Variants in IGF2BP1 observed in about 807,000 individuals in gnomAD.
IGF2BP1 encodes insulin-like growth factor 2 mRNA-binding protein 1.
In IGF2BP1, 11 loss-of-function variants were observed where a neutral mutation model predicts 74.9. That is an observed-to-expected ratio of 0.15 (90% CI 0.09 to 0.24). The LOEUF (loss-of-function observed/expected upper bound fraction) is 0.24, where lower values mean the gene tolerates loss of function less well. Ranked by LOEUF, IGF2BP1 falls within the 10% of genes least tolerant of loss-of-function variation. The pLI, the probability that IGF2BP1 is intolerant of heterozygous loss-of-function variation, is 1.00. For missense variants in IGF2BP1, 440 were observed against 757.4 expected (o/e 0.58, Z 4.92); for synonymous variants, 287 against 281.8 (o/e 1.02, Z -0.18).
chr17:49,020,465 G>C (rs1445005952), intron 2 of IGF2BP1, among the ~76,000 whole-genome samples: 4 of 152,214 alleles, frequency 2.6e-5, no homozygotes, highest in Non-Finnish European at 5.9e-5. Context: ...TACTGAGATA[G>C]AGAGGTTGAG....
intron 2 of IGF2BP1, among the ~76,000 whole-genome samples, chr17:49,004,332 C>G (rs2041522908): frequency 6.7e-6 from 1 of 148,438 alleles, no homozygotes; most frequent in African/African-American, 2.4e-5. Context: ...GCTGCAGACC[C>G]TTTCCAGCAC....
intron 2 of IGF2BP1, among the ~76,000 whole-genome samples, chr17:49,003,180 A>G (rs1038278604): frequency 6.6e-6 from 1 of 152,202 alleles, no homozygotes; most frequent in Non-Finnish European, 1.5e-5. Flanking sequence ...TAAATACATG[A>G]CATTAGCAAT....
rs553443846 is a variant in IGF2BP1 at position 49,037,519 on chromosome 17, ATG to A, written c.402-643_402-642del. 6.9e-4 allele frequency: 140 copies of A among 202,914 alleles called. 1 individual carries two copies. Among genetic ancestry groups the A allele is most frequent in the Middle Eastern group, 3.1e-3 (2 of 642 alleles). 12.6% of individuals were successfully genotyped at this position (202,914 alleles called of 1,614,324 possible). ...ATTTCCTTAAATAATGGACTCAAGA[ATG>A]TGTGTTTGCTTTATCCTAATTATGG... On this transcript the variant is annotated intron_variant, in intron 5 of 14. Coordinates refer to ENST00000290341, the MANE Select transcript of IGF2BP1 (RefSeq NM_006546.4).
Position 49,054,874 on chromosome 17 carries a change from G to C in IGF2BP1, c.*5430G>C, listed in dbSNP as rs2042207066. 6.6e-6 allele frequency: 1 copy of C among 152,400 alleles called. No homozygotes were observed. Among genetic ancestry groups the C allele is most frequent in the Admixed American group, 6.6e-5 (1 of 15,262 alleles). 9.4% of individuals were successfully genotyped at this position (152,400 alleles called of 1,614,324 possible). ...GGTGAAGCAGGATCCTTTGCCCTGG[G>C]GGAGTCTGAGGGCGCGGTCCTTGGA... is the stretch of plus-strand genomic sequence containing the variant. On this transcript the variant is annotated 3_prime_UTR_variant, in exon 15 of 15. Transcript: ENST00000290341.
At chr17:49,025,778 G>C in intron 3 of IGF2BP1, 112 bp downstream of exon 3, 4 of 838,164 alleles carry the variant, frequency 4.8e-6, no homozygotes, top group Non-Finnish European at 5.9e-6. Flanking sequence ...CCAGGCTAGG[G>C]AGGCCTGGGT....
At chr17:49,023,665 A>G (rs771192486) in intron 2 of IGF2BP1, among the ~76,000 whole-genome samples, 2 of 152,234 alleles carry the variant, frequency 1.3e-5, no homozygotes, top group Non-Finnish European at 2.9e-5. Context: ...AGGGACAGCC[A>G]GTCAGGGGCA....
At chr17:48,999,362 A>C (rs552939435) in intron 2 of IGF2BP1, among the ~76,000 whole-genome samples, 193 bp downstream of exon 2, 1 of 151,308 alleles carries the variant, frequency 6.6e-6, no homozygotes, top group Non-Finnish European at 1.5e-5. Flanking sequence ...CTTGTAAAAA[A>C]AAAATAAATA....
chr17:49,046,377 C>T lies in IGF2BP1; in HGVS notation c.1641+4C>T, dbSNP rs760270230. The T allele has an allele frequency of 6.2e-7, 1 of 1,604,768 alleles. No individual in the cohort carries two copies. The highest frequency in any genetic ancestry group is 8.5e-7 in the Non-Finnish European group (1 of 1,171,568). On this transcript the variant is annotated splice_donor_region_variant and intron_variant, in intron 14 of 14. Transcript: ENST00000290341. ...CGGACATTTCTATGCCAGTCAGGTA[C>T]ATATGGTGCTCCCCCATTGAGGGAG...
intron 5 of IGF2BP1, among the ~76,000 whole-genome samples, chr17:49,032,291 G>A (rs926563163): frequency 2.0e-5 from 3 of 152,118 alleles, no homozygotes; most frequent in African/African-American, 7.2e-5. Flanking sequence ...CTGCTGATAG[G>A]TCTCTGGTTG....
intron 2 of IGF2BP1, among the ~76,000 whole-genome samples, chr17:49,003,300 G>A (rs1000158135): frequency 1.3e-5 from 2 of 152,154 alleles, no homozygotes; most frequent in Non-Finnish European, 2.9e-5. Context: ...CTTTTTAAGA[G>A]TGTATTTATA....
chr17:49,018,871 T>G (rs1431603806), intron 2 of IGF2BP1, among the ~76,000 whole-genome samples: 1 of 152,084 alleles, frequency 6.6e-6, no homozygotes, highest in African/African-American at 2.4e-5. Context: ...AAGCTTGGCC[T>G]GGGGGAGGGG....
chr17:49,013,194 C>T (rs1347118371), intron 2 of IGF2BP1, among the ~76,000 whole-genome samples: 1 of 151,556 alleles, frequency 6.6e-6, no homozygotes, highest in African/African-American at 2.4e-5. Flanking sequence ...ATTGATGACA[C>T]CCCAAAAGGG....
At chr17:49,023,847 C>T (rs1405139648) in intron 2 of IGF2BP1, among the ~76,000 whole-genome samples, 1 of 151,538 alleles carries the variant, frequency 6.6e-6, no homozygotes, top group East Asian at 1.9e-4. Flanking sequence ...GGGATTAGCG[C>T]ATTTATTTGG....
At chr17:49,037,196 C>T (rs377057361) in intron 5 of IGF2BP1, 5 of 479,418 alleles carry the variant, frequency 1.0e-5, no homozygotes, top group South Asian at 9.1e-5. Context: ...GAGAAAAGGC[C>T]AGAGAGAGGT....
chr17:48,999,923 G>GGTGTGTGTGTGTGTGTGTGTGTGT (rs371605973), intron 2 of IGF2BP1, among the ~76,000 whole-genome samples: 27 of 134,104 alleles, frequency 2.0e-4, no homozygotes, highest in Admixed American at 1.3e-3. Flanking sequence ...GTGGATGAAT[G>GGTGTGTGTGTGTGTGTGTGTGTGT]GTGTGTGTGT....
At chr17:49,027,036 C>T (rs960756424) in intron 4 of IGF2BP1, among the ~76,000 whole-genome samples, 7 of 152,188 alleles carry the variant, frequency 4.6e-5, no homozygotes, top group Non-Finnish European at 8.8e-5. Flanking sequence ...CCATTGCGCC[C>T]GGCCTCTGCT....
intron 4 of IGF2BP1, among the ~76,000 whole-genome samples, chr17:49,030,811 G>A (rs981017407): frequency 1.3e-5 from 2 of 151,862 alleles, no homozygotes; most frequent in African/African-American, 4.8e-5. Flanking sequence ...TGTAATTTTA[G>A]TAGAAATGGG....
chr17:49,014,999 C>G, intron 2 of IGF2BP1: 1 of 949,754 alleles, frequency 1.1e-6, no homozygotes, highest in Non-Finnish European at 1.3e-6. Context: ...GCTCCATCCT[C>G]GGCCGGGCCT....
chr17:49,019,929 TATATATATATATATATATATTTATATAC>T (rs2041761684), intron 2 of IGF2BP1, among the ~76,000 whole-genome samples: 1 of 62,860 alleles, frequency 1.6e-5, no homozygotes, highest in South Asian at 4.1e-4. Flanking sequence ...TATATATATA[TATATATATATATATATATATTTATATAC>T]ACACACACAC....
Sources: gnomAD v4.1 joint callset for allele counts (sites outside exome capture counted in the v4.1 genomes callset) on GRCh38, gnomAD v4.1.1 for gene constraint, MANE v1.5 for transcripts, NCBI Gene and HGNC (gene_info 2026-07-23, HGNC 2026-07-21) for gene names.